NFIB: variants seen among roughly 807,000 people sequenced by gnomAD.
The protein encoded by NFIB is nuclear factor 1 B-type.
A neutral mutation model predicts 61.5 loss-of-function variants in NFIB; 11 were observed. That is an observed-to-expected ratio of 0.18 (90% CI 0.11 to 0.30). The LOEUF is 0.30. Among genes scored for constraint, NFIB ranks in the 10% least tolerant of loss-of-function variants. The pLI is 1.00. For missense variants in NFIB, 471 were observed against 608.9 expected, an observed-to-expected ratio of 0.77 and a Z score of 2.38; for synonymous variants, 260 against 216.5, an observed-to-expected ratio of 1.20 and a Z score of -1.76.
intron 2 of NFIB, among the ~76,000 whole-genome samples, chr9:14,227,945 T>C (rs1262621921): frequency 2.0e-5 from 3 of 152,230 alleles, no homozygotes; most frequent in Non-Finnish European, 4.4e-5. Flanking sequence ...TTACATAATT[T>C]ATTTTTATAT....
intron 1 of NFIB, among the ~76,000 whole-genome samples, chr9:14,384,878 C>G (rs2061531122): frequency 6.6e-6 from 1 of 152,152 alleles, no homozygotes; most frequent in Admixed American, 6.5e-5. Context: ...TTGATTTTCA[C>G]CTTCTCTTTT....
intron 6 of NFIB, among the ~76,000 whole-genome samples, chr9:14,129,687 G>C (rs1274627243): frequency 6.6e-6 from 1 of 152,050 alleles, no homozygotes; most frequent in Non-Finnish European, 1.5e-5. Flanking sequence ...TTTCTGTGAA[G>C]AAAAACAAAT....
At chr9:14,263,212 GT>G (rs74887454) in intron 2 of NFIB, among the ~76,000 whole-genome samples, 2,726 of 148,324 alleles carry the variant, frequency 0.018, 61 homozygotes, top group East Asian at 0.092. Context: ...GTTAAACAAG[GT>G]TTTTTTTTTC....
At chr9:14,515,206 G>C in the NFIB span, among the ~76,000 whole-genome samples, 1 of 152,024 alleles carries the variant, frequency 6.6e-6, no homozygotes, top group Non-Finnish European at 1.5e-5. Context: ...CTATCGCTAA[G>C]GTAGGGACAT....
chr9:14,133,973 G>C (rs2040704044), intron 6 of NFIB, among the ~76,000 whole-genome samples: 1 of 152,098 alleles, frequency 6.6e-6, no homozygotes, highest in Non-Finnish European at 1.5e-5. Flanking sequence ...TGAAAGCTTT[G>C]TACAATCCTT....
At chr9:14,241,212 A>G (rs1237451277) in intron 2 of NFIB, among the ~76,000 whole-genome samples, 2 of 152,226 alleles carry the variant, frequency 1.3e-5, no homozygotes, top group Non-Finnish European at 2.9e-5. Flanking sequence ...CTGCCTCAAT[A>G]GTTATGTATG....
intron 2 of NFIB, among the ~76,000 whole-genome samples, chr9:14,256,516 T>A (rs934576901): frequency 1.3e-5 from 2 of 151,996 alleles, no homozygotes; most frequent in African/African-American, 2.4e-5. Flanking sequence ...AAAGACTAAT[T>A]AGAAGATAGA....
At chr9:14,130,537 A>T (rs1002679569) in intron 6 of NFIB, among the ~76,000 whole-genome samples, 5 of 152,150 alleles carry the variant, frequency 3.3e-5, no homozygotes, top group African/African-American at 4.8e-5. Context: ...TTGCTTGATG[A>T]ATTTTTCATT....
the NFIB span, among the ~76,000 whole-genome samples, chr9:14,407,376 C>A: frequency 6.6e-6 from 1 of 152,122 alleles, no homozygotes; most frequent in Non-Finnish European, 1.5e-5. Context: ...AGTTATTTAG[C>A]ATTGTCTTAA....
At chr9:14,097,305 T>C (rs2034947088) in intron 10 of NFIB, among the ~76,000 whole-genome samples, 1 of 152,182 alleles carries the variant, frequency 6.6e-6, no homozygotes. Context: ...ATTTCTATCA[T>C]AGTCCCAGAG....
chr9:14,497,682 T>C, the NFIB span, among the ~76,000 whole-genome samples: 4 of 152,222 alleles, frequency 2.6e-5, no homozygotes, highest in African/African-American at 4.8e-5. Context: ...GTGGTAACTA[T>C]CACTGTACAC....
the NFIB span, among the ~76,000 whole-genome samples, chr9:14,424,751 C>T: frequency 6.6e-6 from 1 of 152,036 alleles, no homozygotes; most frequent in African/African-American, 2.4e-5. Flanking sequence ...AACAGGCAGG[C>T]GAAACAGGCT....
intron 1 of NFIB, among the ~76,000 whole-genome samples, chr9:14,327,425 A>C (rs916424177): frequency 1.5e-4 from 23 of 152,218 alleles, no homozygotes; most frequent in Non-Finnish European, 3.2e-4. Context: ...GTAAGTAAGA[A>C]ATCGTAGGTG....
chr9:14,164,932 A>G (rs2044613533), intron 3 of NFIB, among the ~76,000 whole-genome samples: 1 of 152,178 alleles, frequency 6.6e-6, no homozygotes, highest in African/African-American at 2.4e-5. Flanking sequence ...GGGAATCACT[A>G]TGACACCACA....
rs145599709 is a variant in NFIB, at chr9:14,341,855, G to T, written c.109-34335C>A. Among the ~76,000 whole-genome samples, 6 of 151,398 alleles carry T rather than the reference G, an allele frequency of 4.0e-5. No individual in the cohort carries two copies. The South Asian group carries it at 6.3e-4, about 16-fold the overall frequency. ...CGGGCTAGGACAGGCATCTCCATCA[G>T]TGAGTGCTTCCAGATGCACTGATGT... On this transcript the variant is annotated intron_variant, in intron 1 of 8. Coordinates refer to the NFIB transcript ENST00000380934.
At chr9:14,329,994 G>C (rs1423639549) in intron 1 of NFIB, among the ~76,000 whole-genome samples, 2 of 151,954 alleles carry the variant, frequency 1.3e-5, no homozygotes, top group Non-Finnish European at 2.9e-5. Flanking sequence ...GTGGGTGGTG[G>C]CACAGGCCTG....
chr9:14,165,157 C>T (rs951449045), intron 3 of NFIB, among the ~76,000 whole-genome samples: 1 of 152,134 alleles, frequency 6.6e-6, no homozygotes, highest in Admixed American at 6.6e-5. Flanking sequence ...CAGGTCCAGG[C>T]GAGTGCACAG....
intron 2 of NFIB, among the ~76,000 whole-genome samples, chr9:14,252,536 A>T (rs1210966527): frequency 6.6e-6 from 1 of 151,862 alleles, no homozygotes; most frequent in Admixed American, 6.6e-5. Flanking sequence ...TGTATTTGTT[A>T]AAAAAAACAG....
intron 2 of NFIB, among the ~76,000 whole-genome samples, chr9:14,245,565 T>A (rs2054825720): frequency 6.6e-6 from 1 of 152,046 alleles, no homozygotes; most frequent in South Asian, 2.1e-4. Context: ...TACTATAATG[T>A]CATACAAGCA....
Sources: gnomAD v4.1 joint callset for allele counts (sites outside exome capture counted in the v4.1 genomes callset) on GRCh38, gnomAD v4.1.1 for gene constraint, MANE v1.5 for transcripts, NCBI Gene and HGNC (gene_info 2026-07-23, HGNC 2026-07-21) for gene names.